EDN2: variants seen among roughly 807,000 people sequenced by gnomAD.
EDN2 encodes endothelin-2.
A neutral mutation model predicts 19.9 loss-of-function variants in EDN2; 10 were observed. The observed-to-expected ratio is 0.50, with a 90% confidence interval of 0.31 to 0.85. The LOEUF is 0.85. Ranked by LOEUF, EDN2 falls within the 40% of genes least tolerant of loss-of-function variation. EDN2 has a pLI of 0.05. For synonymous variants in EDN2, 84 were observed against 94.9 expected (o/e 0.89, Z 0.67); for missense variants, 222 against 239.3 (o/e 0.93, Z 0.48).
intron 1 of EDN2, 27 bp from the exon 2 acceptor site, chr1:41,484,230 T>C: frequency 6.2e-7 from 1 of 1,604,944 alleles, no homozygotes; most frequent in Non-Finnish European, 8.5e-7. Context: ...GAGAGAGAGG[T>C]GGAGAGGTGG....
At chr1:41,481,321 C>T in intron 3 of EDN2, 128 bp from the exon 4 acceptor site, 1 of 652,276 alleles carries the variant, frequency 1.5e-6, no homozygotes, top group Admixed American at 2.9e-5. Flanking sequence ...TCCATTTCCA[C>T]CCCTGTGCAC....
chr1:41,483,993 C>T (rs368112346), intron 2 of EDN2, 54 bp downstream of exon 2: 2 of 1,529,140 alleles, frequency 1.3e-6, no homozygotes, highest in Non-Finnish European at 8.8e-7. Flanking sequence ...GTAGCTTCCA[C>T]CCTGACACCC....
In EDN2 at chr1:41,479,418, C is replaced by G. The variant is rs1342015109; in HGVS notation, c.528G>C (p.Arg176Ser). 1 of 1,613,468 alleles carries G rather than the reference C, an allele frequency of 6.2e-7. No homozygotes were observed. The change falls in exon 5 of 5, where the codon AGG (arginine) becomes AGC (serine). Residue 176 changes from arginine to serine, a missense_variant. Transcript: ENST00000372587. ...CCTCCAGCTCACGACACTATCTCTT[C>G]CTCCACCTGGAATGTGTGGACCGAG... ...REPRSTHSRW[R>S]KR
intron 1 of EDN2, 143 bp downstream of exon 1, chr1:41,484,395 G>A (rs1289529328): frequency 2.3e-6 from 3 of 1,329,092 alleles, no homozygotes; most frequent in African/African-American, 1.5e-5. Flanking sequence ...TGTATTTGCA[G>A]AACCTTTCCC....
rs1161860646 is a variant in EDN2 at position 41,479,424 on chromosome 1, C to G, written c.522G>C (p.Arg174Ser). The G allele has an allele frequency of 6.2e-7, 1 of 1,614,068 alleles. No homozygotes were observed. The highest frequency in any genetic ancestry group is 8.5e-7 in the Non-Finnish European group (1 of 1,179,900). The change falls in exon 5 of 5, where the codon AGG becomes AGC. Residue 174 changes from arginine (R) to serine (S), a missense_variant. Physicochemically the swap from Arg to Ser is moderately radical, Grantham distance 110 (BLOSUM62 -1). Coordinates refer to ENST00000372587, the MANE Select transcript of EDN2 (RefSeq NM_001956.5). ...GCTCACGACACTATCTCTTCCTCCA[C>G]CTGGAATGTGTGGACCGAGGCTCCC... The part of the protein sequence containing the change: ...AMREPRSTHS[R>S]WRKR
rs755376927 is a variant in EDN2 at position 41,482,486 on chromosome 1, G to A, written c.324C>T (p.Thr108=). The change falls in exon 3 of 5, where the codon ACC becomes ACT. Residue 108 remains threonine, a synonymous_variant. Coordinates refer to ENST00000372587, the MANE Select transcript of EDN2 (RefSeq NM_001956.5). ...CSSARDPACA[T]FCLRRPWTEA... is the part of the protein sequence containing the mutation. ...CCTACCAGGGCCTTCGAAGGCAGAA[G>A]GTGGCACAGGCGGGGTCCCTGGCAC... The A allele has an allele frequency of 1.9e-6, 3 of 1,602,062 alleles. No homozygotes were observed. The highest frequency in any genetic ancestry group is 2.2e-5 in the South Asian group (2 of 90,560).
chr1:41,480,311 C>A (rs573222112), intron 4 of EDN2, among the ~76,000 whole-genome samples: 1 of 152,178 alleles, frequency 6.6e-6, no homozygotes, highest in Non-Finnish European at 1.5e-5. Context: ...CTGAGCTGGG[C>A]CCTGGGACCT....
At chr1:41,480,621 C>T in intron 4 of EDN2, 2 of 433,082 alleles carry the variant, frequency 4.6e-6, no homozygotes, top group South Asian at 3.3e-5. Flanking sequence ...TGCTGCCCGG[C>T]AGGTGCAAGT....
chr1:41,482,596 C>G lies in EDN2; in HGVS notation c.222-8G>C. ...CCGTAAGGAGCTGTCTGTCTGTGGG[C>G]GGGCAGCCAGCAAGGTAGTGGTGTG... On this transcript the variant is annotated splice_region_variant and splice_polypyrimidine_tract_variant and intron_variant, in intron 2 of 4. Transcript: ENST00000372587. The G allele has an allele frequency of 6.4e-7, 1 of 1,556,038 alleles. No homozygotes were observed. The highest frequency in any genetic ancestry group is 1.4e-5 in the African/African-American group (1 of 70,518).
chr1:41,482,740 G>A, intron 2 of EDN2, 152 bp from the exon 3 acceptor site: 1 of 1,132,402 alleles, frequency 8.8e-7, no homozygotes, highest in Non-Finnish European at 1.2e-6. Flanking sequence ...CATGCCAGCA[G>A]GGTGCCAATG....
At chr1:41,480,387 G>A (rs971710085) in intron 4 of EDN2, among the ~76,000 whole-genome samples, 1 of 152,166 alleles carries the variant, frequency 6.6e-6, no homozygotes, top group African/African-American at 2.4e-5. Context: ...GCTCCCACGG[G>A]CACAGACCCT....
In EDN2 at chr1:41,484,196, G is replaced by T. The variant is rs769561042; in HGVS notation, c.72C>A (p.Gly24=). The T allele has an allele frequency of 1.9e-6, 3 of 1,611,574 alleles. No individual in the cohort carries two copies. The African/African-American group carries it at 4.0e-5, about 22-fold the overall frequency. The change falls in exon 2 of 5, where the codon GGC becomes GGA. Residue 24 remains glycine, a synonymous_variant. Coordinates refer to ENST00000372587, the MANE Select transcript of EDN2 (RefSeq NM_001956.5). The part of the protein sequence containing the change: ...ALLVALHEGK[G]QAAATLEQPA... The stretch of plus-strand genomic sequence containing the variant: ...GCTGCTCCAGGGTGGCAGCAGCCTG[G>T]CCCTTCCCTGCATGCACAGGAGGGA...
chr1:41,484,039 A>G lies in EDN2; in HGVS notation c.221+8T>C, dbSNP rs1644270341. 1 of 1,591,282 alleles carries G rather than the reference A, an allele frequency of 6.3e-7. No homozygotes were observed. The highest frequency in any genetic ancestry group is 8.6e-7 in the Non-Finnish European group (1 of 1,167,672). ...CTCCCCCTGCCCCCAATCCCCATGG[A>G]TGCTCACTCAGGAGTGTTCACCCAG... On this transcript the variant is annotated splice_region_variant and intron_variant, in intron 2 of 4. Transcript: ENST00000372587.
In EDN2 at chr1:41,479,067, C is replaced by G. The variant is rs1644223976; in HGVS notation, c.*342G>C. On this transcript the variant is annotated 3_prime_UTR_variant, in exon 5 of 5. Transcript: ENST00000372587. ...CGTGTTCGTGGCTGCACGGTTGCTCCTGGTTTGTAGCCCAGCAGACAGGAC... is the reference window on the plus strand; with the variant it reads ...CGTGTTCGTGGCTGCACGGTTGCTCGTGGTTTGTAGCCCAGCAGACAGGAC... The G allele has an allele frequency of 2.6e-6, 1 of 380,662 alleles. No homozygotes were observed. The highest frequency in any genetic ancestry group is 2.1e-5 in the African/African-American group (1 of 47,838). The allele number at this position is 380,662 out of a possible 1,614,324, so 23.6% of individuals were successfully genotyped here.
At chr1:41,481,502 A>G (rs1644247253) in intron 3 of EDN2, among the ~76,000 whole-genome samples, 1 of 150,478 alleles carries the variant, frequency 6.6e-6, no homozygotes, top group Non-Finnish European at 1.5e-5. Flanking sequence ...GACCCAGAGG[A>G]GGAGTTTCTC....
Position 41,479,494 on chromosome 1 carries a change from G to T in EDN2, c.452C>A (p.Ser151Tyr), listed in dbSNP as rs139181275. 85 of 1,614,140 alleles carry T rather than the reference G, an allele frequency of 5.3e-5. 1 individual carries two copies. The African/African-American group carries it at 8.1e-4, about 15-fold the overall frequency. ...GELLQRLRDISTVKSLFAKRQ... is the reference protein window; with the variant it reads ...GELLQRLRDIYTVKSLFAKRQ... ...CTTGGCAAAGAGGCTCTTGACTGTG[G>T]AAATGTCCCTGGGAATCAAGAAGGG... is the stretch of plus-strand genomic sequence containing the variant. Residue 151 changes from serine (S) to tyrosine (Y), a missense_variant, in exon 5 of 5, where the codon TCC becomes TAC. Ser to Tyr is a moderately radical substitution (Grantham distance 144). Transcript: ENST00000372587.
intron 2 of EDN2, 89 bp from the exon 3 acceptor site, chr1:41,482,677 C>T (rs1644258749): frequency 2.1e-6 from 3 of 1,433,348 alleles, no homozygotes; most frequent in African/African-American, 1.5e-5. Context: ...ATTAAATAAA[C>T]CACAACCATT....
intron 2 of EDN2, 114 bp downstream of exon 2, chr1:41,483,933 T>A: frequency 8.7e-7 from 1 of 1,147,558 alleles, no homozygotes; most frequent in Non-Finnish European, 1.2e-6. Flanking sequence ...AGTGCCTCCA[T>A]CTGGAGGCCC....
chr1:41,484,561 G>A lies in EDN2; in HGVS notation c.41C>T (p.Ala14Val), dbSNP rs1182257425. The stretch of plus-strand genomic sequence containing the variant: ...ACCTTCATGCAGGGCCACGAGCAGG[G>A]CTAGCGCAACGGAGCACCAGGTGGT... The part of the protein sequence containing the change: ...VPTTWCSVAL[A>V]LLVALHEGKG... Residue 14 changes from alanine (A) to valine (V), a missense_variant, in exon 1 of 5, where the codon GCC becomes GTC. Coordinates refer to ENST00000372587, the MANE Select transcript of EDN2 (RefSeq NM_001956.5). 1 of 1,558,360 alleles carries A rather than the reference G, an allele frequency of 6.4e-7. No homozygotes were observed. Among genetic ancestry groups the A allele is most frequent in the Non-Finnish European group, 8.7e-7 (1 of 1,151,090 alleles).
Sources: allele counts gnomAD v4.1 joint callset (sites outside exome capture counted in the v4.1 genomes callset), GRCh38; gene constraint gnomAD v4.1.1; transcripts MANE v1.5; gene names NCBI Gene and HGNC (gene_info 2026-07-23, HGNC 2026-07-21).